Variants in FOXO3 observed in about 807,000 individuals in gnomAD.
The protein encoded by FOXO3 is forkhead box O3, also known as forkhead box protein O3.
In FOXO3, 4 loss-of-function variants were observed where a neutral mutation model predicts 41.9. The ratio of observed to expected loss-of-function variants is 0.10; its 90% CI spans 0.05 to 0.22. The LOEUF (loss-of-function observed/expected upper bound fraction) is 0.22. Ranked by LOEUF, FOXO3 falls within the 10% of genes least tolerant of loss-of-function variation. The probability of loss-of-function intolerance (pLI) is 1.00; values close to 1 mark genes in which losing one functional copy is unlikely to be tolerated. For synonymous variants in FOXO3, 318 were observed against 389.3 expected, an observed-to-expected ratio of 0.82 and a Z score of 2.16; for missense variants, 534 against 906.8, an observed-to-expected ratio of 0.59 and a Z score of 5.28.
intron 1 of FOXO3, among the ~76,000 whole-genome samples, chr6:108,599,460 G>A (rs1373238435): frequency 6.6e-6 from 1 of 152,112 alleles, no homozygotes; most frequent in Non-Finnish European, 1.5e-5. Context: ...GAAGATGATG[G>A]GATTTTCATA....
At chr6:108,582,490 T>A (rs1776448349) in intron 1 of FOXO3, among the ~76,000 whole-genome samples, 2 of 152,244 alleles carry the variant, frequency 1.3e-5, no homozygotes, top group African/African-American at 2.4e-5. Flanking sequence ...ATTTTGTGTT[T>A]CCTGCCATGT....
intron 1 of FOXO3, among the ~76,000 whole-genome samples, chr6:108,632,515 A>G (rs988844102): frequency 1.1e-4 from 17 of 152,158 alleles, no homozygotes; most frequent in African/African-American, 4.1e-4. Context: ...TGTGCGTTGC[A>G]TTATTTGAGG....
chr6:108,654,214 G>A (rs1778621698), intron 1 of FOXO3, among the ~76,000 whole-genome samples: 1 of 152,130 alleles, frequency 6.6e-6, no homozygotes, highest in Non-Finnish European at 1.5e-5. Flanking sequence ...CGGAAGTGCA[G>A]GTTTGGCTGT....
intron 1 of FOXO3, among the ~76,000 whole-genome samples, chr6:108,611,365 A>T (rs570423565): frequency 1.3e-4 from 20 of 152,156 alleles, no homozygotes; most frequent in Non-Finnish European, 2.4e-4. Flanking sequence ...TTATTCATGT[A>T]TTTGTGATAA....
intron 2 of FOXO3, 53 bp downstream of exon 2, chr6:108,664,942 T>C: frequency 2.2e-5 from 29 of 1,334,828 alleles, no homozygotes; most frequent in Non-Finnish European, 2.7e-5. Context: ...TGAGGGGGGA[T>C]CTCTGGGGGA....
At chr6:108,572,126 A>G (rs1236476288) in intron 1 of FOXO3, among the ~76,000 whole-genome samples, 8 of 152,096 alleles carry the variant, frequency 5.3e-5, no homozygotes, top group Admixed American at 2.0e-4. Flanking sequence ...AACTGACAGT[A>G]TGGCCGTGCT....
At position 108,682,118 on chromosome 6, in the gene FOXO3, T is replaced by C. The variant is rs4946936; in HGVS notation, c.*2326T>C. 0.54 allele frequency: 82,454 copies of C among 152,522 alleles called. 26,452 individuals carry two copies. The highest frequency in any genetic ancestry group is 0.71 in the East Asian group (3,677 of 5,176). The allele number at this position is 152,522 out of a possible 1,614,324, so 9.4% of individuals were successfully genotyped here. A position where few individuals can be genotyped will look rare whatever the true frequency, so the allele number is the denominator to read the frequency against. On this transcript the variant is annotated 3_prime_UTR_variant, in exon 3 of 3. Transcript: ENST00000406360. ...AAAATAGCTACTTACCTTTGCAGTT[T>C]TACAGACCCTGGGAGCTGCTTTGGG...
At chr6:108,653,633 C>T (rs139447185) in intron 1 of FOXO3, among the ~76,000 whole-genome samples, 1 of 152,306 alleles carries the variant, frequency 6.6e-6, no homozygotes, top group East Asian at 1.9e-4. Flanking sequence ...GCTATTTTTA[C>T]TGAGCTTCCT....
At chr6:108,651,841 A>G in intron 1 of FOXO3, among the ~76,000 whole-genome samples, 1 of 152,250 alleles carries the variant, frequency 6.6e-6, no homozygotes, top group Admixed American at 6.5e-5. Flanking sequence ...GAGGTTAAAC[A>G]GAAGTATCCT....
chr6:108,634,287 A>G (rs1466011685), intron 1 of FOXO3, among the ~76,000 whole-genome samples: 1 of 152,136 alleles, frequency 6.6e-6, no homozygotes, highest in African/African-American at 2.4e-5. Flanking sequence ...TATATAAAGG[A>G]GGGTGAAGAT....
intron 1 of FOXO3, among the ~76,000 whole-genome samples, chr6:108,619,272 TACTTTCTA>T (rs1272268893): frequency 7.0e-4 from 107 of 152,366 alleles, no homozygotes; most frequent in Non-Finnish European, 5.1e-4. Context: ...TGGCATTCTT[TACTTTCTA>T]ACTTAGGACA....
intron 1 of FOXO3, chr6:108,618,342 C>G (rs1223245043): frequency 1.0e-5 from 6 of 597,960 alleles, no homozygotes; most frequent in Non-Finnish European, 1.9e-5. Context: ...CAGGTCCACA[C>G]TGAACGAGCA....
intron 2 of FOXO3, among the ~76,000 whole-genome samples, chr6:108,669,524 A>G (rs1454337888): frequency 6.6e-6 from 1 of 152,178 alleles, no homozygotes; most frequent in African/African-American, 2.4e-5. Context: ...ACCTATGACT[A>G]TAGTCTTCGG....
intron 1 of FOXO3, among the ~76,000 whole-genome samples, chr6:108,622,271 A>AG (rs926637709): frequency 1.3e-5 from 2 of 151,414 alleles, no homozygotes; most frequent in Non-Finnish European, 2.9e-5. Context: ...AAAAAAAAAA[A>AG]AAAAAAAAAG....
intron 1 of FOXO3, among the ~76,000 whole-genome samples, chr6:108,589,541 C>T (rs1022518689): frequency 2.0e-5 from 3 of 152,224 alleles, no homozygotes; most frequent in Admixed American, 6.5e-5. Context: ...AGAGTGCATG[C>T]ATTATTCCCC....
intron 1 of FOXO3, among the ~76,000 whole-genome samples, chr6:108,585,642 C>T (rs757129681): frequency 6.6e-6 from 1 of 152,186 alleles, no homozygotes; most frequent in Non-Finnish European, 1.5e-5. Flanking sequence ...TGGGAGTCTG[C>T]AAGGTGTGCC....
At chr6:108,624,476 A>T (rs1004736012) in intron 1 of FOXO3, among the ~76,000 whole-genome samples, 11 of 152,200 alleles carry the variant, frequency 7.2e-5, no homozygotes, top group Non-Finnish European at 1.5e-5. Flanking sequence ...AATAGTGGCA[A>T]GAAGAAAGCT....
At chr6:108,596,451 A>T (rs1776888181) in intron 1 of FOXO3, among the ~76,000 whole-genome samples, 1 of 151,970 alleles carries the variant, frequency 6.6e-6, no homozygotes, top group South Asian at 2.1e-4. Context: ...TATAGAGGGG[A>T]AAATGTCCAG....
chr6:108,654,408 C>G (rs1291782609), intron 1 of FOXO3, among the ~76,000 whole-genome samples: 1 of 152,178 alleles, frequency 6.6e-6, no homozygotes, highest in African/African-American at 2.4e-5. Context: ...TTTAAGAGAA[C>G]TTTCTTCCTA....
Sources: gnomAD v4.1 joint callset for allele counts (sites outside exome capture counted in the v4.1 genomes callset) on GRCh38, gnomAD v4.1.1 for gene constraint, MANE v1.5 for transcripts, NCBI Gene and HGNC (gene_info 2026-07-23, HGNC 2026-07-21) for gene names.